ATP6V1C2: variants seen among roughly 807,000 people sequenced by gnomAD.
ATP6V1C2 encodes V-type proton ATPase subunit C 2.
ATP6V1C2 carries 45 observed loss-of-function variants against 56.8 expected under a neutral mutation model. That is an observed-to-expected ratio of 0.79 (90% CI 0.62 to 1.02). The LOEUF is 1.02. Among genes scored for constraint, ATP6V1C2 ranks in the 50% least tolerant of loss-of-function variants. ATP6V1C2 has a pLI of 0.00. For missense variants in ATP6V1C2, 463 were observed against 519.7 expected, an observed-to-expected ratio of 0.89 and a Z score of 1.06; for synonymous variants, 220 against 201.3, an observed-to-expected ratio of 1.09 and a Z score of -0.79.
chr2:10,755,130 G>A (rs543934407), intron 4 of ATP6V1C2, among the ~76,000 whole-genome samples: 81 of 152,176 alleles, frequency 5.3e-4, no homozygotes, highest in South Asian at 2.3e-3. Flanking sequence ...CGATTCTCCC[G>A]CGCTTAAGTG....
chr2:10,721,176 G>T (rs554908426), upstream of ATP6V1C2, among the ~76,000 whole-genome samples: 8 of 152,302 alleles, frequency 5.3e-5, no homozygotes, highest in East Asian at 1.6e-3. Flanking sequence ...GCTCCCCACA[G>T]GTGGGCCCTG....
intron 5 of ATP6V1C2, 63 bp downstream of exon 5, chr2:10,764,488 T>TA: frequency 7.0e-7 from 1 of 1,431,378 alleles, no homozygotes; most frequent in Non-Finnish European, 9.8e-7. Flanking sequence ...AGAGCCTGGG[T>TA]AGGGCCCCCC....
At chr2:10,776,278 TGTGC>T (rs200028329) in intron 10 of ATP6V1C2, among the ~76,000 whole-genome samples, 7 of 140,970 alleles carry the variant, frequency 5.0e-5, no homozygotes, top group Non-Finnish European at 7.9e-5. Context: ...TGTGTGTGTG[TGTGC>T]GCGCGCACGT....
chr2:10,752,536 A>G (rs1174315875), intron 3 of ATP6V1C2, among the ~76,000 whole-genome samples: 1 of 152,228 alleles, frequency 6.6e-6, no homozygotes, highest in Non-Finnish European at 1.5e-5. Flanking sequence ...CTTTGATCCT[A>G]GTTTGACTTG....
Position 10,726,547 on chromosome 2 carries a change from A to G in ATP6V1C2, c.175A>G (p.Lys59Glu), listed in dbSNP as rs1300013424. ...SLVGLSDELG[K>E]LDTFAESLIR... ...GGTTGGCCTCTCTGATGAGTTGGGG[A>G]AACTCGACACCTTTGCTGAAAGGTA... The change falls in exon 3 of 14, where the codon AAA becomes GAA. Residue 59 changes from lysine to glutamate, a missense_variant. Transcript: ENST00000272238. 1 of 1,613,966 alleles carries G rather than the reference A, an allele frequency of 6.2e-7. No individual in the cohort carries two copies.
intron 4 of ATP6V1C2, among the ~76,000 whole-genome samples, chr2:10,755,085 T>G (rs1663469103): frequency 6.6e-6 from 1 of 152,078 alleles, no homozygotes; most frequent in East Asian, 1.9e-4. Flanking sequence ...TGGCACAATC[T>G]CGGCTCACCG....
chr2:10,764,436 G>C lies in ATP6V1C2; in HGVS notation c.378+11G>C. 1.2e-6 allele frequency: 2 copies of C among 1,611,348 alleles called. No individual in the cohort carries two copies. The highest frequency in any genetic ancestry group is 1.3e-5 in the African/African-American group (1 of 75,012). On this transcript the variant is annotated intron_variant, in intron 5 of 13. Transcript: ENST00000272238. ...GACACAATAGCCAAGGTGAGAAAAG[G>C]GACTGCTCTGGGGAACAGCTGACTG...
At chr2:10,755,106 C>G (rs1663472312) in intron 4 of ATP6V1C2, among the ~76,000 whole-genome samples, 1 of 152,204 alleles carries the variant, frequency 6.6e-6, no homozygotes, top group African/African-American at 2.4e-5. Context: ...CAACCTCCCC[C>G]TCCCAGATTC....
chr2:10,752,720 G>T (rs1260821583), intron 3 of ATP6V1C2, among the ~76,000 whole-genome samples: 1 of 152,206 alleles, frequency 6.6e-6, no homozygotes, highest in East Asian at 1.9e-4. Context: ...AATCGGCAGG[G>T]TGCGATGGCT....
intron 4 of ATP6V1C2, among the ~76,000 whole-genome samples, chr2:10,758,001 A>G (rs2148467590): frequency 6.6e-6 from 1 of 152,286 alleles, no homozygotes; most frequent in Admixed American, 6.5e-5. Context: ...AAAATAGCAA[A>G]TCATTTTAGG....
At position 10,768,712 on chromosome 2, in the gene ATP6V1C2, A is replaced by G. The variant is rs1269348244; in HGVS notation, c.379-7A>G. 3 of 1,613,682 alleles carry G rather than the reference A, an allele frequency of 1.9e-6. No individual in the cohort carries two copies. Among genetic ancestry groups the G allele is most frequent in the Non-Finnish European group, 2.5e-6 (3 of 1,179,850 alleles). On this transcript the variant is annotated splice_polypyrimidine_tract_variant and splice_region_variant and intron_variant, in intron 5 of 13. Transcript: ENST00000272238. ...GGTCACCTGGAGCTTTTGCTTTCCCAAAACAGCAACTGGCGCAGATCGAGA... is the reference window on the plus strand; with the variant it reads ...GGTCACCTGGAGCTTTTGCTTTCCCGAAACAGCAACTGGCGCAGATCGAGA...
chr2:10,731,229 A>G (rs766268538), intron 3 of ATP6V1C2, among the ~76,000 whole-genome samples: 5 of 152,242 alleles, frequency 3.3e-5, no homozygotes, highest in Admixed American at 6.5e-5. Flanking sequence ...AATTACAAGC[A>G]TGAGTCACCA....
intron 3 of ATP6V1C2, among the ~76,000 whole-genome samples, chr2:10,737,499 C>T (rs981561734): frequency 6.6e-6 from 1 of 151,814 alleles, no homozygotes; most frequent in African/African-American, 2.4e-5. Flanking sequence ...TTCTTTGTGA[C>T]CTAATATATT....
chr2:10,739,442 T>C (rs1343425661), intron 3 of ATP6V1C2, among the ~76,000 whole-genome samples: 1 of 152,052 alleles, frequency 6.6e-6, no homozygotes, highest in Non-Finnish European at 1.5e-5. Context: ...GACCCCTAGC[T>C]AGACTTCCTG....
At chr2:10,776,671 G>A (rs796608715) in intron 10 of ATP6V1C2, among the ~76,000 whole-genome samples, 15 of 152,316 alleles carry the variant, frequency 9.8e-5, no homozygotes, top group African/African-American at 3.6e-4. Flanking sequence ...GGGCTAGACC[G>A]TGGCAGCCTC....
chr2:10,768,071 A>G (rs1198845), intron 5 of ATP6V1C2: 122,415 of 152,360 alleles, frequency 0.8, 49,371 homozygotes, highest in East Asian at 0.94. Context: ...TTTGTGGATG[A>G]CCGTGGTGTA....
At chr2:10,736,078 G>C (rs1480574982) in intron 3 of ATP6V1C2, among the ~76,000 whole-genome samples, 1 of 152,134 alleles carries the variant, frequency 6.6e-6, no homozygotes, top group Non-Finnish European at 1.5e-5. Flanking sequence ...CATCCTGAAG[G>C]TTTGTTAAAA....
At chr2:10,747,158 C>T (rs1455752197) in intron 3 of ATP6V1C2, among the ~76,000 whole-genome samples, 2 of 152,072 alleles carry the variant, frequency 1.3e-5, no homozygotes, top group African/African-American at 4.8e-5. Context: ...ATCCCAGCTA[C>T]TCGGGAGGCT....
rs566933431 is a variant in ATP6V1C2, at chr2:10,779,082, A to G, written c.1061+413A>G. Among the ~76,000 whole-genome samples, 15 of 149,444 alleles carry G rather than the reference A, an allele frequency of 1.0e-4. No individual in the cohort carries two copies. In the East Asian group the frequency reaches 1.8e-3, roughly 18 times the overall value. The stretch of plus-strand genomic sequence containing the variant: ...CCAGAGAGAAAACCAAAACCACACC[A>G]ACAACAACAAAGCTTATTTTGCCTT... On this transcript the variant is annotated intron_variant, in intron 12 of 13. Transcript: ENST00000272238.
Sources: allele counts gnomAD v4.1 joint callset (sites outside exome capture counted in the v4.1 genomes callset), GRCh38; gene constraint gnomAD v4.1.1; transcripts MANE v1.5; gene names NCBI Gene and HGNC (gene_info 2026-07-23, HGNC 2026-07-21).